Variants in LSAMP observed in about 807,000 individuals in gnomAD.
LSAMP encodes the protein limbic system associated membrane protein, also known as limbic system-associated membrane protein.
Under a neutral mutation model 38.6 loss-of-function variants are expected in LSAMP, and 7 were observed. The observed-to-expected ratio is 0.18, with a 90% confidence interval of 0.10 to 0.34. LSAMP has a LOEUF of 0.34. LSAMP is among the 10% of genes least tolerant of loss of function. LSAMP has a pLI of 1.00. For missense variants in LSAMP, 313 were observed against 420.0 expected, an observed-to-expected ratio of 0.75 and a Z score of 2.23; for synonymous variants, 154 against 166.8, an observed-to-expected ratio of 0.92 and a Z score of 0.59.
At chr3:116,225,479 G>A (rs1327945341) in intron 1 of LSAMP, among the ~76,000 whole-genome samples, 3 of 152,164 alleles carry the variant, frequency 2.0e-5, no homozygotes, top group Non-Finnish European at 4.4e-5. Flanking sequence ...CACCCAGTAT[G>A]TGGTAATTTG....
At chr3:116,079,061 A>G (rs980786506) in intron 2 of LSAMP, among the ~76,000 whole-genome samples, 1 of 152,108 alleles carries the variant, frequency 6.6e-6, no homozygotes, top group Non-Finnish European at 1.5e-5. Flanking sequence ...AATAACTTCA[A>G]TTTCATCCAA....
intron 1 of LSAMP, among the ~76,000 whole-genome samples, chr3:116,106,017 C>T (rs1439398411): frequency 2.0e-5 from 3 of 151,582 alleles, no homozygotes; most frequent in African/African-American, 4.9e-5. Flanking sequence ...AAACATTTGT[C>T]GTATAGAATG....
intron 2 of LSAMP, among the ~76,000 whole-genome samples, chr3:116,073,222 T>C (rs1176349462): frequency 1.3e-5 from 2 of 152,192 alleles, no homozygotes; most frequent in Non-Finnish European, 2.9e-5. Flanking sequence ...GTTGTAGGTG[T>C]GTGGTCCTAT....
chr3:115,927,848 C>T (rs1208914121), intron 3 of LSAMP, among the ~76,000 whole-genome samples: 2 of 152,194 alleles, frequency 1.3e-5, no homozygotes, highest in Admixed American at 6.5e-5. Flanking sequence ...ACTTTGACAA[C>T]ACCATTTAAA....
chr3:116,394,976 C>T lies in LSAMP; in HGVS notation c.155+49901G>A, dbSNP rs147483056. 6.5e-3 allele frequency among the ~76,000 whole-genome samples: 994 copies of T among 152,256 alleles called. 11 individuals are homozygous for T. The highest frequency in any genetic ancestry group is 9.4e-3 in the Non-Finnish European group (641 of 68,024). On this transcript the variant is annotated intron_variant, in intron 1 of 6. Coordinates refer to ENST00000490035, the MANE Select transcript of LSAMP (RefSeq NM_002338.5). ...TTTAAATATTATCAAGAGCTGTGCA[C>T]CAGCTTCCTACAAGGCAGGCCATCT...
At chr3:115,908,399 T>G (rs1385352285) in intron 3 of LSAMP, among the ~76,000 whole-genome samples, 1 of 150,788 alleles carries the variant, frequency 6.6e-6, no homozygotes. Context: ...AGAGAAGCTT[T>G]AGTATATCTG....
At chr3:115,845,010 A>G (rs1935110031) in intron 4 of LSAMP, among the ~76,000 whole-genome samples, 1 of 152,172 alleles carries the variant, frequency 6.6e-6, no homozygotes, top group African/African-American at 2.4e-5. Context: ...CAAGGCAGGG[A>G]AGTGCATTTG....
intron 1 of LSAMP, among the ~76,000 whole-genome samples, chr3:116,258,994 C>T (rs527258136): frequency 6.6e-5 from 10 of 152,110 alleles, no homozygotes; most frequent in Non-Finnish European, 1.3e-4. Context: ...GTCCTTGTTT[C>T]GCCAAATCTG....
At chr3:115,857,657 T>C (rs1466002420) in intron 3 of LSAMP, among the ~76,000 whole-genome samples, 1 of 152,198 alleles carries the variant, frequency 6.6e-6, no homozygotes, top group Admixed American at 6.5e-5. Context: ...TCCCTTTGCT[T>C]AATGTGTTTT....
At chr3:116,190,939 AT>A (rs1237774506) in intron 1 of LSAMP, among the ~76,000 whole-genome samples, 6 of 152,288 alleles carry the variant, frequency 3.9e-5, no homozygotes, top group Admixed American at 1.3e-4. Flanking sequence ...AAATAGTTGA[AT>A]TTGTGAGGCT....
intron 1 of LSAMP, among the ~76,000 whole-genome samples, chr3:116,392,693 T>G (rs2048719691): frequency 6.6e-6 from 1 of 152,180 alleles, no homozygotes; most frequent in South Asian, 2.1e-4. Context: ...GCCAGTCCCA[T>G]GGACCAGAGG....
At chr3:116,128,565 C>T (rs1178387587) in intron 1 of LSAMP, among the ~76,000 whole-genome samples, 2 of 152,186 alleles carry the variant, frequency 1.3e-5, no homozygotes, top group African/African-American at 4.8e-5. Flanking sequence ...GTATGCATCA[C>T]ATGATAGAAT....
In LSAMP at chr3:115,804,762, C is replaced by T. The variant is rs188417444; in HGVS notation, c.*5555G>A. 32 of 152,152 alleles carry T rather than the reference C, an allele frequency of 2.1e-4. No homozygotes were observed. Among genetic ancestry groups the T allele is most frequent in the African/African-American group, 6.7e-4 (28 of 41,500 alleles). The allele number at this position is 152,152 out of a possible 1,614,324, so 9.4% of individuals were successfully genotyped here. On this transcript the variant is annotated 3_prime_UTR_variant, in exon 7 of 7. Transcript: ENST00000490035. ...ATGATATATATGTCATCCTGTTACA[C>T]GTGTCAGGCACTTCAAAAAGACTCC...
intron 1 of LSAMP, among the ~76,000 whole-genome samples, chr3:116,132,950 G>T (rs1709167803): frequency 6.6e-6 from 1 of 152,152 alleles, no homozygotes; most frequent in South Asian, 2.1e-4. Flanking sequence ...TGTTATAAAT[G>T]AGGTATAGGG....
rs1938655557 is a variant in LSAMP at position 115,962,356 on chromosome 3, C to A, written c.514+57159G>T. Among the ~76,000 whole-genome samples, 3 of 152,032 alleles carry A rather than the reference C, an allele frequency of 2.0e-5. No individual in the cohort carries two copies. In the South Asian group the frequency reaches 6.2e-4, roughly 32 times the overall value. The stretch of plus-strand genomic sequence containing the variant: ...TGATAGTACTTTATACAAAACAGGG[C>A]CAGTGTTGGAAGAGGAACATTTTCT... On this transcript the variant is annotated intron_variant, in intron 3 of 6. Coordinates refer to ENST00000490035, the MANE Select transcript of LSAMP (RefSeq NM_002338.5).
At chr3:115,939,570 T>TTGTTTCTTTCTTTCTTTC in intron 3 of LSAMP, among the ~76,000 whole-genome samples, 1 of 136,886 alleles carries the variant, frequency 7.3e-6, no homozygotes, top group South Asian at 2.4e-4. Context: ...CTTTCTTTCT[T>TTGTTTCTTTCTTTCTTTC]TCTTTCTTTC....
chr3:116,372,544 A>G (rs1020120544), intron 1 of LSAMP, among the ~76,000 whole-genome samples: 2 of 152,060 alleles, frequency 1.3e-5, no homozygotes, highest in Non-Finnish European at 2.9e-5. Flanking sequence ...ACAACAAAAT[A>G]ATAGACAAAA....
intron 1 of LSAMP, among the ~76,000 whole-genome samples, chr3:116,330,554 C>T (rs546984396): frequency 2.3e-4 from 35 of 152,176 alleles, no homozygotes; most frequent in South Asian, 1.5e-3. Context: ...ATGCTCCCCC[C>T]CCCACAACCT....
chr3:116,326,342 T>G (rs2107735626), intron 1 of LSAMP, among the ~76,000 whole-genome samples: 1 of 152,254 alleles, frequency 6.6e-6, no homozygotes, highest in Admixed American at 6.5e-5. Context: ...CTGGCTATTT[T>G]TATTTAGGGC....
Sources: gnomAD v4.1 joint callset for allele counts (sites outside exome capture counted in the v4.1 genomes callset) on GRCh38, gnomAD v4.1.1 for gene constraint, MANE v1.5 for transcripts, NCBI Gene and HGNC (gene_info 2026-07-23, HGNC 2026-07-21) for gene names.